Variants in ZNF385D observed in about 807,000 individuals in gnomAD.
The protein encoded by ZNF385D is zinc finger protein 659.
Under a neutral mutation model 35.8 loss-of-function variants are expected in ZNF385D, and 15 were observed. The observed-to-expected ratio is 0.42, with a 90% CI of 0.28 to 0.64. The LOEUF (loss-of-function observed/expected upper bound fraction) is 0.64. ZNF385D is among the 30% of genes least tolerant of loss of function. ZNF385D has a pLI of 0.23. For synonymous variants in ZNF385D, 212 were observed against 186.8 expected, an observed-to-expected ratio of 1.13 and a Z score of -1.10; for missense variants, 474 against 494.6, an observed-to-expected ratio of 0.96 and a Z score of 0.39.
intron 3 of ZNF385D, among the ~76,000 whole-genome samples, chr3:21,806,624 C>A (rs79547788): frequency 0.076 from 11,575 of 152,236 alleles, 596 homozygotes; most frequent in South Asian, 0.12. Flanking sequence ...TAAAACTACA[C>A]AGACCTAATT....
rs2064574645 is a variant in ZNF385D, at chr3:21,608,766, C to A, written c.166-44082G>T. On this transcript the variant is annotated intron_variant, in intron 2 of 7. Transcript: ENST00000281523. ...TCATGTAGAAGTCAAAATTCGTCTA[C>A]AAATGAAAGTAGTTCCCAATCCAGT... 2.0e-5 allele frequency among the ~76,000 whole-genome samples: 3 copies of A among 152,118 alleles called. No homozygotes were observed. The South Asian group carries it at 6.2e-4, about 31-fold the overall frequency.
At chr3:22,010,547 A>G (rs1322159851) in intron 3 of ZNF385D, among the ~76,000 whole-genome samples, 6 of 152,224 alleles carry the variant, frequency 3.9e-5, no homozygotes. Context: ...TAGAGACTGC[A>G]AGTCCAATAT....
At chr3:22,127,367 T>C (rs1703500039) in intron 3 of ZNF385D, among the ~76,000 whole-genome samples, 1 of 117,216 alleles carries the variant, frequency 8.5e-6, no homozygotes, top group Non-Finnish European at 1.7e-5. Context: ...TGAGACAGAG[T>C]CTCACTCTGT....
chr3:21,975,588 G>A (rs1177155914), intron 3 of ZNF385D, among the ~76,000 whole-genome samples: 3 of 151,734 alleles, frequency 2.0e-5, no homozygotes, highest in Non-Finnish European at 2.9e-5. Flanking sequence ...ATGTTTGAGG[G>A]AATGGATACC....
At chr3:22,120,710 G>A (rs1258153851) in intron 3 of ZNF385D, among the ~76,000 whole-genome samples, 1 of 152,090 alleles carries the variant, frequency 6.6e-6, no homozygotes, top group East Asian at 1.9e-4. Context: ...CTAGCTTATA[G>A]TGCTATCACT....
intron 4 of ZNF385D, among the ~76,000 whole-genome samples, chr3:21,487,396 A>G (rs1705113375): frequency 6.6e-6 from 1 of 152,102 alleles, no homozygotes; most frequent in South Asian, 2.1e-4. Context: ...AGGGGCTCAA[A>G]CATGTAGGGG....
intron 1 of ZNF385D, among the ~76,000 whole-genome samples, chr3:21,742,952 C>T (rs1351003391): frequency 6.6e-6 from 1 of 152,194 alleles, no homozygotes; most frequent in Admixed American, 6.5e-5. Flanking sequence ...AAGAATTAAG[C>T]TTAACTGTTT....
intron 1 of ZNF385D, among the ~76,000 whole-genome samples, chr3:21,712,610 G>A (rs930129782): frequency 1.3e-5 from 2 of 152,082 alleles, no homozygotes; most frequent in Non-Finnish European, 1.5e-5. Flanking sequence ...AAATTTCACT[G>A]TCTATATATA....
At chr3:22,311,616 G>T (rs1703555338) in intron 2 of ZNF385D, among the ~76,000 whole-genome samples, 1 of 152,084 alleles carries the variant, frequency 6.6e-6, no homozygotes, top group South Asian at 2.1e-4. Flanking sequence ...AAACTCGAAA[G>T]AATTTTACAT....
intron 2 of ZNF385D, among the ~76,000 whole-genome samples, chr3:22,181,033 C>G (rs954855610): frequency 9.4e-5 from 14 of 148,824 alleles, no homozygotes; most frequent in African/African-American, 3.5e-4. Flanking sequence ...TATTTTAATA[C>G]TTTGGTGATT....
intron 2 of ZNF385D, among the ~76,000 whole-genome samples, chr3:22,209,146 T>C (rs1283172515): frequency 6.6e-6 from 1 of 151,886 alleles, no homozygotes; most frequent in Non-Finnish European, 1.5e-5. Context: ...CAAGGCACAC[T>C]GTGAACAAAA....
chr3:21,461,158 A>G (rs1703147132), intron 4 of ZNF385D, among the ~76,000 whole-genome samples: 2 of 152,186 alleles, frequency 1.3e-5, no homozygotes, highest in Admixed American at 6.5e-5. Context: ...TGCAAAATGA[A>G]AGAAAACTCT....
At chr3:22,013,360 A>C (rs1165355741) in intron 3 of ZNF385D, among the ~76,000 whole-genome samples, 1 of 152,150 alleles carries the variant, frequency 6.6e-6, no homozygotes, top group East Asian at 1.9e-4. Context: ...GAATCCCTAA[A>C]CATGATGATG....
intron 3 of ZNF385D, among the ~76,000 whole-genome samples, chr3:21,778,913 T>C (rs867392958): frequency 2.0e-5 from 3 of 151,970 alleles, no homozygotes; most frequent in Non-Finnish European, 4.4e-5. Flanking sequence ...GACCAGGTCC[T>C]ATTAATATCC....
At chr3:21,723,720 C>T (rs1270827685) in intron 1 of ZNF385D, among the ~76,000 whole-genome samples, 1 of 152,116 alleles carries the variant, frequency 6.6e-6, no homozygotes, top group African/African-American at 2.4e-5. Context: ...AGTTGGAAAA[C>T]ACTCTTCAGG....
chr3:22,135,106 G>A (rs2125693320), intron 3 of ZNF385D, among the ~76,000 whole-genome samples: 1 of 152,222 alleles, frequency 6.6e-6, no homozygotes, highest in South Asian at 2.1e-4. Context: ...ACTTTTCCCA[G>A]TCCTATTCAA....
At chr3:21,909,378 C>T (rs901476742) in intron 3 of ZNF385D, among the ~76,000 whole-genome samples, 6 of 151,996 alleles carry the variant, frequency 3.9e-5, no homozygotes, top group African/African-American at 1.4e-4. Context: ...TTTCATTTTC[C>T]ACCATGTCAG....
Position 22,150,755 on chromosome 3 carries a change from C to CAT in ZNF385D, c.325+18060_325+18061dup, listed in dbSNP as rs371058778. Among the ~76,000 whole-genome samples the CAT allele has an allele frequency of 5.9e-3, 904 of 151,990 alleles. 11 individuals are homozygous for CAT. Among genetic ancestry groups the CAT allele is most frequent in the African/African-American group, 0.018 (741 of 41,474 alleles). On this transcript the variant is annotated intron_variant, in intron 3 of 5. Transcript: ENST00000494108. ...AGAAGCATCCAGACTAAAATTTAAA[C>CAT]ATATATATATAATTAGTAGAAGCTT...
intron 2 of ZNF385D, among the ~76,000 whole-genome samples, chr3:22,251,310 G>A (rs901080888): frequency 1.3e-5 from 2 of 152,082 alleles, no homozygotes; most frequent in African/African-American, 2.4e-5. Flanking sequence ...CTTGTTTTAA[G>A]TTCTATAAGA....
Sources: allele counts gnomAD v4.1 joint callset (sites outside exome capture counted in the v4.1 genomes callset), GRCh38; gene constraint gnomAD v4.1.1; transcripts MANE v1.5; gene names NCBI Gene and HGNC (gene_info 2026-07-23, HGNC 2026-07-21).